LARGE1: variants seen among roughly 807,000 people sequenced by gnomAD.
LARGE1 encodes xylosyl- and glucuronyltransferase LARGE1.
Under a neutral mutation model 87.6 loss-of-function variants are expected in LARGE1, and 43 were observed. The observed-to-expected ratio is 0.49, with a 90% confidence interval of 0.38 to 0.63. The LOEUF (loss-of-function observed/expected upper bound fraction) is 0.63. Among genes scored for constraint, LARGE1 ranks in the 30% least tolerant of loss-of-function variants. The pLI is 0.00. For synonymous variants in LARGE1, 434 were observed against 394.6 expected (o/e 1.10, Z -1.18); for missense variants, 802 against 1,000.2 (o/e 0.80, Z 2.67).
At chr22:33,398,775 T>TA (rs1022346493) in intron 7 of LARGE1, among the ~76,000 whole-genome samples, 6 of 151,958 alleles carry the variant, frequency 3.9e-5, no homozygotes, top group Non-Finnish European at 7.4e-5. Flanking sequence ...GAAGAAGAGA[T>TA]AGAGACAGAC....
In LARGE1 at chr22:33,656,246, T is replaced by C. The variant is rs563856135; in HGVS notation, c.107-5578A>G. Among the ~76,000 whole-genome samples, 7 of 152,222 alleles carry C rather than the reference T, an allele frequency of 4.6e-5. No individual in the cohort carries two copies. The East Asian group carries it at 1.2e-3, about 25-fold the overall frequency. On this transcript the variant is annotated intron_variant, in intron 2 of 14. Coordinates refer to ENST00000397394, the MANE Select transcript of LARGE1 (RefSeq NM_133642.5). The stretch of plus-strand genomic sequence containing the variant: ...CTCATGGTTTGGGAGGCCTCACAAT[T>C]ATGGTGAAAGGTGAGGGAAGAACAA...
Position 33,471,365 on chromosome 22 carries a change from GA to G in LARGE1, c.788-39101del, listed in dbSNP as rs879678614. ...AGCCCAGTCTTTCTTCTAACAACAA[GA>G]TATTGATTCTGGAAAGCCCCGAACA... On this transcript the variant is annotated intron_variant, in intron 6 of 14. Transcript: ENST00000397394. Among the ~76,000 whole-genome samples, 35 of 151,862 alleles carry G rather than the reference GA, an allele frequency of 2.3e-4. No individual in the cohort carries two copies. In the East Asian group the frequency reaches 5.4e-3, roughly 24 times the overall value.
intron 2 of LARGE1, among the ~76,000 whole-genome samples, chr22:33,722,211 C>T (rs1328685311): frequency 6.7e-6 from 1 of 149,486 alleles, no homozygotes. Flanking sequence ...CGAGATCACG[C>T]CACTGCCCTC....
At chr22:33,836,662 C>T (rs1370050450) in intron 1 of LARGE1, among the ~76,000 whole-genome samples, 1 of 152,136 alleles carries the variant, frequency 6.6e-6, no homozygotes, top group African/African-American at 2.4e-5. Flanking sequence ...GAATGAGCTT[C>T]AGCAACAAGC....
intron 2 of LARGE1, among the ~76,000 whole-genome samples, chr22:33,745,413 A>G (rs555663477): frequency 6.6e-6 from 1 of 152,124 alleles, no homozygotes; most frequent in Non-Finnish European, 1.5e-5. Context: ...GCCGTGGGTG[A>G]GGTGCTCGTC....
At chr22:33,864,458 A>G (rs1341165545) in intron 1 of LARGE1, among the ~76,000 whole-genome samples, 1 of 152,232 alleles carries the variant, frequency 6.6e-6, no homozygotes, top group East Asian at 1.9e-4. Context: ...AAAGCTACAT[A>G]GGCAAGGTGC....
the LARGE1 span, among the ~76,000 whole-genome samples, chr22:33,135,262 G>A: frequency 1.3e-5 from 2 of 152,236 alleles, no homozygotes; most frequent in Non-Finnish European, 2.9e-5. Flanking sequence ...GAGTTTCAGG[G>A]AAGTCCACAC....
At chr22:33,836,352 G>A (rs1320479184) in intron 1 of LARGE1, among the ~76,000 whole-genome samples, 1 of 152,132 alleles carries the variant, frequency 6.6e-6, no homozygotes, top group Admixed American at 6.5e-5. Flanking sequence ...ACAAATGCCT[G>A]GCACACAATG....
intron 6 of LARGE1, among the ~76,000 whole-genome samples, chr22:33,499,506 A>G (rs2148353174): frequency 6.6e-6 from 1 of 152,342 alleles, no homozygotes; most frequent in African/African-American, 2.4e-5. Context: ...CCAGGGGCAG[A>G]TGGAAATCAT....
At chr22:33,518,599 G>A (rs2071418233) in intron 6 of LARGE1, among the ~76,000 whole-genome samples, 1 of 152,162 alleles carries the variant, frequency 6.6e-6, no homozygotes, top group Non-Finnish European at 1.5e-5. Context: ...ACGACCCACC[G>A]CGCCCGGCCT....
chr22:33,534,648 G>C (rs768085170), intron 6 of LARGE1, among the ~76,000 whole-genome samples: 13 of 152,060 alleles, frequency 8.5e-5, no homozygotes, highest in Non-Finnish European at 1.5e-4. Context: ...TTAGAATTTG[G>C]AGCCCCACAG....
At chr22:33,190,365 CCTCCTTCTCCAGCTGCAATACAG>C (rs1344693801) in intron 11 of LARGE1, among the ~76,000 whole-genome samples, 1 of 152,172 alleles carries the variant, frequency 6.6e-6, no homozygotes, top group African/African-American at 2.4e-5. Context: ...CAGACCACGT[CCTCCTTCTCCAGCTGCAATACAG>C]CTCCTTCTGC....
At position 33,920,473 on chromosome 22, in the gene LARGE1, G is replaced by C. The variant is rs1471846999; in HGVS notation, c.-561C>G. ...CCGGCGCGGCGGCGGGGCAGGAGCA[G>C]ACTGGCCGGGCCGGGCGCCGAACGC... On this transcript the variant is annotated 5_prime_UTR_variant, in exon 1 of 15. Coordinates refer to ENST00000397394, the MANE Select transcript of LARGE1 (RefSeq NM_133642.5). 2 of 146,678 alleles carry C rather than the reference G, an allele frequency of 1.4e-5. No individual in the cohort carries two copies. The highest frequency in any genetic ancestry group is 3.0e-5 in the Non-Finnish European group (2 of 66,034). 9.1% of individuals were successfully genotyped at this position (146,678 alleles called of 1,614,324 possible). A position where few individuals can be genotyped will look rare whatever the true frequency, so the allele number is the denominator to read the frequency against.
chr22:33,796,416 G>C (rs531848313), intron 1 of LARGE1, among the ~76,000 whole-genome samples: 12 of 152,116 alleles, frequency 7.9e-5, no homozygotes, highest in Non-Finnish European at 1.5e-4. Flanking sequence ...CTGACTGGGA[G>C]GACACCAGGC....
At chr22:33,122,059 A>G in the LARGE1 span, among the ~76,000 whole-genome samples, 13 of 152,246 alleles carry the variant, frequency 8.5e-5, no homozygotes, top group Non-Finnish European at 1.5e-4. Context: ...GTCAAACCAT[A>G]TCACCTTGTT....
At chr22:33,882,282 G>A (rs778541655) in intron 1 of LARGE1, among the ~76,000 whole-genome samples, 3 of 152,146 alleles carry the variant, frequency 2.0e-5, no homozygotes, top group Middle Eastern at 3.4e-3. Context: ...CGCTCGCCTC[G>A]GCCTCCCCAA....
At chr22:33,186,165 C>A (rs752589863) in intron 11 of LARGE1, among the ~76,000 whole-genome samples, 2 of 152,068 alleles carry the variant, frequency 1.3e-5, no homozygotes, top group Non-Finnish European at 2.9e-5. Context: ...TTTTCCAATT[C>A]ATTTTATAAT....
chr22:33,495,064 G>A (rs895452149), intron 6 of LARGE1, among the ~76,000 whole-genome samples: 4 of 152,000 alleles, frequency 2.6e-5, no homozygotes, highest in Non-Finnish European at 5.9e-5. Flanking sequence ...CAAGGCCCAC[G>A]TGAACATGAT....
At chr22:33,394,781 G>A (rs55770651) in intron 7 of LARGE1, among the ~76,000 whole-genome samples, 10,921 of 148,154 alleles carry the variant, frequency 0.074, 1,258 homozygotes, top group African/African-American at 0.25. Context: ...AACTAAATAC[G>A]GTGAGGCTTT....
Sources: gnomAD v4.1 joint callset for allele counts (sites outside exome capture counted in the v4.1 genomes callset) on GRCh38, gnomAD v4.1.1 for gene constraint, MANE v1.5 for transcripts, NCBI Gene and HGNC (gene_info 2026-07-23, HGNC 2026-07-21) for gene names.